The following CUBN variants were observed in gnomAD, a reference collection of about 807,000 sequenced individuals.
CUBN encodes the protein cubilin, also known as 460 kDa receptor.
A neutral mutation model predicts 405.3 loss-of-function variants in CUBN; 282 were observed. The ratio of observed to expected loss-of-function variants is 0.70; its 90% CI spans 0.63 to 0.77. CUBN has a LOEUF of 0.77. Among genes scored for constraint, CUBN ranks in the 30% least tolerant of loss-of-function variants. The probability of loss-of-function intolerance (pLI) is 0.00; values close to 1 mark genes in which losing one functional copy is unlikely to be tolerated. For synonymous variants in CUBN, 1,684 were observed against 1,617.0 expected, an observed-to-expected ratio of 1.04 and a Z score of -0.99; for missense variants, 4,514 against 4,475.2, an observed-to-expected ratio of 1.01 and a Z score of -0.25.
At chr10:16,932,966 A>T in intron 40 of CUBN, 121 bp downstream of exon 40, 1 of 999,106 alleles carries the variant, frequency 1.0e-6, no homozygotes, top group African/African-American at 1.6e-5. Flanking sequence ...GCCTTCCTTG[A>T]CCATAATATC....
chr10:16,875,536 T>A (rs1275124247), intron 57 of CUBN, among the ~76,000 whole-genome samples: 2 of 152,200 alleles, frequency 1.3e-5, no homozygotes, highest in Non-Finnish European at 2.9e-5. Context: ...GAGCCCACCT[T>A]GCAGGGAGCA....
At chr10:17,067,421 T>C (rs917906561) in intron 21 of CUBN, among the ~76,000 whole-genome samples, 1 of 152,050 alleles carries the variant, frequency 6.6e-6, no homozygotes, top group African/African-American at 2.4e-5. Context: ...TAAGAAAAGA[T>C]GAGTGAACTT....
chr10:16,902,006 T>TAC (rs1329949954), intron 51 of CUBN, among the ~76,000 whole-genome samples: 3 of 112,956 alleles, frequency 2.7e-5, no homozygotes, highest in African/African-American at 1.0e-4. Context: ...AGTATATATA[T>TAC]ACACACACAC....
At chr10:17,025,525 A>G (rs1158006564) in intron 27 of CUBN, among the ~76,000 whole-genome samples, 10 of 152,232 alleles carry the variant, frequency 6.6e-5, no homozygotes, top group Admixed American at 6.5e-4. Flanking sequence ...GAGATAAACC[A>G]CGTAAAAGGT....
At chr10:17,020,482 A>G (rs1834462997) in intron 27 of CUBN, among the ~76,000 whole-genome samples, 1 of 152,232 alleles carries the variant, frequency 6.6e-6, no homozygotes, top group African/African-American at 2.4e-5. Context: ...CCATCCCTTC[A>G]AGAGGTAATT....
In CUBN at chr10:16,869,557, TGG is replaced by T. The variant is rs59702069; in HGVS notation, c.9454+77_9454+78del. The T allele has an allele frequency of 2.4e-3, 1,679 of 708,422 alleles. 16 individuals are homozygous for T. The African/African-American group carries it at 0.027, about 11-fold the overall frequency. The allele number at this position is 708,422 out of a possible 1,614,324, so 43.9% of individuals were successfully genotyped here. On this transcript the variant is annotated intron_variant, in intron 59 of 66. Transcript: ENST00000377833. ...AAAAGCAATCATAATCAGGTGGGGG[TGG>T]GGGGGGGGCGGGGAAATTAAATAAA...
At chr10:17,011,174 C>G (rs1834169771) in intron 28 of CUBN, among the ~76,000 whole-genome samples, 1 of 152,194 alleles carries the variant, frequency 6.6e-6, no homozygotes, top group African/African-American at 2.4e-5. Context: ...GGCTAGATCA[C>G]TCTAAGACAG....
At chr10:16,948,321 C>T (rs560812071) in intron 35 of CUBN, among the ~76,000 whole-genome samples, 157 bp downstream of exon 35, 1 of 152,332 alleles carries the variant, frequency 6.6e-6, no homozygotes, top group East Asian at 1.9e-4. Context: ...CTAGAATTGA[C>T]AACACGATCA....
intron 22 of CUBN, among the ~76,000 whole-genome samples, chr10:17,051,872 C>A (rs1279305660): frequency 6.6e-6 from 1 of 151,082 alleles, no homozygotes; most frequent in African/African-American, 2.4e-5. Context: ...AAAAATGGGC[C>A]AAAAAAGGAG....
intron 58 of CUBN, among the ~76,000 whole-genome samples, chr10:16,872,357 T>TAG (rs1840382422): frequency 1.3e-5 from 2 of 151,272 alleles, no homozygotes; most frequent in African/African-American, 4.9e-5. Context: ...TACATATATA[T>TAG]ATAGATAGAT....
intron 27 of CUBN, 106 bp downstream of exon 27, chr10:17,040,927 T>TG: frequency 9.7e-7 from 1 of 1,032,842 alleles, no homozygotes; most frequent in South Asian, 1.3e-5. Context: ...TATAGATGCG[T>TG]GGGGCAGAGT....
chr10:17,105,900 A>C (rs1430146430), intron 10 of CUBN, among the ~76,000 whole-genome samples: 1 of 152,220 alleles, frequency 6.6e-6, no homozygotes, highest in Non-Finnish European at 1.5e-5. Flanking sequence ...ATTCCTCATC[A>C]TGGAGGAGTT....
intron 28 of CUBN, among the ~76,000 whole-genome samples, chr10:17,011,592 C>T (rs1834188585): frequency 6.6e-6 from 1 of 152,068 alleles, no homozygotes; most frequent in African/African-American, 2.4e-5. Flanking sequence ...TGGAAGGGGA[C>T]CCGAGCAGGT....
chr10:16,881,904 A>T (rs867777429), intron 56 of CUBN, among the ~76,000 whole-genome samples: 4 of 152,236 alleles, frequency 2.6e-5, no homozygotes, highest in Admixed American at 6.5e-5. Context: ...CCATCACTGC[A>T]TTAGATCAAA....
At chr10:16,965,466 A>T (rs1003221684) in intron 31 of CUBN, among the ~76,000 whole-genome samples, 2 of 152,018 alleles carry the variant, frequency 1.3e-5, no homozygotes, top group African/African-American at 2.4e-5. Context: ...CCCTGGGGTG[A>T]TTAAATGGCT....
intron 27 of CUBN, among the ~76,000 whole-genome samples, chr10:17,037,855 G>A (rs1486207988): frequency 2.0e-5 from 3 of 151,768 alleles, no homozygotes; most frequent in Non-Finnish European, 2.9e-5. Flanking sequence ...ACACTGCTCT[G>A]ACCAGAGTCA....
At chr10:17,085,523 A>T in intron 16 of CUBN, 74 bp downstream of exon 16, 1 of 1,400,994 alleles carries the variant, frequency 7.1e-7, no homozygotes, top group South Asian at 1.2e-5. Context: ...GAATCACATT[A>T]AAATATAAAA....
chr10:17,091,202 T>C (rs1836250082), intron 14 of CUBN, among the ~76,000 whole-genome samples: 1 of 152,164 alleles, frequency 6.6e-6, no homozygotes, highest in Non-Finnish European at 1.5e-5. Flanking sequence ...TTTCCAGAGT[T>C]TTGAAAACAA....
intron 31 of CUBN, among the ~76,000 whole-genome samples, chr10:16,979,030 C>T (rs530985448): frequency 2.0e-5 from 3 of 152,316 alleles, no homozygotes; most frequent in South Asian, 4.1e-4. Context: ...AAATCACAAG[C>T]ATTCCTATAC....
Sources: gnomAD v4.1 joint callset for allele counts (sites outside exome capture counted in the v4.1 genomes callset) on GRCh38, gnomAD v4.1.1 for gene constraint, MANE v1.5 for transcripts, NCBI Gene and HGNC (gene_info 2026-07-23, HGNC 2026-07-21) for gene names.